Variants in IDE observed in about 807,000 individuals in gnomAD.
IDE encodes insulin degrading enzyme.
IDE carries 58 observed loss-of-function variants against 133.2 expected under a neutral mutation model. The ratio of observed to expected loss-of-function variants is 0.44; its 90% CI spans 0.35 to 0.54. The LOEUF (loss-of-function observed/expected upper bound fraction) is 0.54. Among genes scored for constraint, IDE ranks in the 20% least tolerant of loss-of-function variants. The pLI, the probability that IDE is intolerant of heterozygous loss-of-function variation, is 0.00. For synonymous variants in IDE, 396 were observed against 421.3 expected, an observed-to-expected ratio of 0.94 and a Z score of 0.73; for missense variants, 981 against 1,234.0, an observed-to-expected ratio of 0.79 and a Z score of 3.07.
chr10:92,518,805 T>C (rs1849061731), intron 4 of IDE, among the ~76,000 whole-genome samples: 1 of 152,088 alleles, frequency 6.6e-6, no homozygotes, highest in Admixed American at 6.5e-5. Context: ...TTACACACAA[T>C]AAAATACTAT....
At chr10:92,538,525 A>G (rs1438173503) in intron 1 of IDE, among the ~76,000 whole-genome samples, 1 of 152,276 alleles carries the variant, frequency 6.6e-6, no homozygotes, top group East Asian at 1.9e-4. Flanking sequence ...TGAATGCCAG[A>G]GCAGGAAAAG....
At chr10:92,455,693 A>G in intron 23 of IDE, 50 bp from the exon 24 acceptor site, 1 of 1,034,694 alleles carries the variant, frequency 9.7e-7, no homozygotes, top group Non-Finnish European at 1.5e-6. Flanking sequence ...ATACTATCAC[A>G]AAAGAACAAA....
At chr10:92,516,826 T>C (rs1231275996) in intron 4 of IDE, among the ~76,000 whole-genome samples, 1 of 152,236 alleles carries the variant, frequency 6.6e-6, no homozygotes, top group African/African-American at 2.4e-5. Flanking sequence ...AGTGTACCAC[T>C]AACAGCTCTC....
chr10:92,496,622 CTAAAAA>C (rs1847717192), intron 11 of IDE, among the ~76,000 whole-genome samples: 1 of 152,010 alleles, frequency 6.6e-6, no homozygotes, highest in African/African-American at 2.4e-5. Flanking sequence ...CCTATCTCTA[CTAAAAA>C]TACAAAAATT....
chr10:92,555,572 T>A (rs1425910089), intron 1 of IDE, among the ~76,000 whole-genome samples: 1 of 150,190 alleles, frequency 6.7e-6, no homozygotes, highest in African/African-American at 2.5e-5. Context: ...AGGAAAAAAA[T>A]TATTTGCACT....
intron 5 of IDE, among the ~76,000 whole-genome samples, chr10:92,512,085 A>C (rs901279042): frequency 6.6e-6 from 1 of 152,214 alleles, no homozygotes; most frequent in Admixed American, 6.5e-5. Context: ...ACTCACCTTC[A>C]TATCATCAAG....
intron 1 of IDE, among the ~76,000 whole-genome samples, chr10:92,547,825 T>C (rs1842596448): frequency 6.6e-6 from 1 of 152,158 alleles, no homozygotes; most frequent in Admixed American, 6.6e-5. Context: ...TGTTTGGTAA[T>C]TACATACCCT....
At chr10:92,495,813 A>T (rs1237267115) in intron 11 of IDE, among the ~76,000 whole-genome samples, 1 of 152,146 alleles carries the variant, frequency 6.6e-6, no homozygotes, top group Non-Finnish European at 1.5e-5. Flanking sequence ...ATACTTAAAT[A>T]GTGATAGGAA....
At chr10:92,482,916 GACTAC>G (rs1846703694) in intron 14 of IDE, among the ~76,000 whole-genome samples, 1 of 151,972 alleles carries the variant, frequency 6.6e-6, no homozygotes, top group African/African-American at 2.4e-5. Flanking sequence ...GAGTAGCTGG[GACTAC>G]AGGCACCCAC....
intron 11 of IDE, among the ~76,000 whole-genome samples, chr10:92,496,687 G>A (rs1357054512): frequency 6.6e-6 from 1 of 152,232 alleles, no homozygotes; most frequent in Admixed American, 6.5e-5. Context: ...TCGGGAGGCT[G>A]AGGCAGGAGA....
chr10:92,463,148 C>T (rs1053555691), intron 21 of IDE, among the ~76,000 whole-genome samples: 1 of 152,208 alleles, frequency 6.6e-6, no homozygotes, highest in East Asian at 1.9e-4. Flanking sequence ...TTGTTGGTGT[C>T]AGAGTAAGAA....
chr10:92,540,677 G>A (rs1842258138), intron 1 of IDE, among the ~76,000 whole-genome samples: 2 of 152,152 alleles, frequency 1.3e-5, no homozygotes, highest in Non-Finnish European at 2.9e-5. Context: ...TGATGATGAT[G>A]ATGGTCTAAA....
chr10:92,508,314 C>A, intron 7 of IDE, 109 bp from the exon 8 acceptor site: 1 of 839,206 alleles, frequency 1.2e-6, no homozygotes, highest in South Asian at 1.6e-5. Flanking sequence ...TCAGAATGAA[C>A]CTCTTGCGAA....
chr10:92,506,161 T>A (rs1848284110), intron 10 of IDE, among the ~76,000 whole-genome samples: 1 of 152,206 alleles, frequency 6.6e-6, no homozygotes, highest in Non-Finnish European at 1.5e-5. Context: ...GATCAATAGC[T>A]TTCATATAAG....
chr10:92,502,204 G>C (rs759787628), intron 11 of IDE, among the ~76,000 whole-genome samples: 1 of 152,108 alleles, frequency 6.6e-6, no homozygotes, highest in Non-Finnish European at 1.5e-5. Context: ...TGATTACATT[G>C]AGTCTATGAA....
intron 17 of IDE, among the ~76,000 whole-genome samples, chr10:92,474,278 G>A (rs1476279271): frequency 6.6e-6 from 1 of 152,028 alleles, no homozygotes; most frequent in Non-Finnish European, 1.5e-5. Context: ...ATATTGCCCA[G>A]GGTGGTCTCA....
intron 18 of IDE, 38 bp downstream of exon 18, chr10:92,470,216 A>G: frequency 7.4e-7 from 1 of 1,348,330 alleles, no homozygotes. Context: ...ATATCTTGCA[A>G]TGATCCACAA....
rs891535890 is a variant in IDE, at chr10:92,504,850, T to TTCTTCC, written c.1368_1373dup (p.Glu457_Glu458dup). On this transcript the variant is annotated inframe_insertion, in exon 11 of 25. Coordinates refer to ENST00000265986, the MANE Select transcript of IDE (RefSeq NM_004969.4). ...CCATCTCTATTAAGTCAGGTCTAAA[T>TTCTTCC]TCTTCCAGTAAATATTCCGCTGTGA... The TTCTTCC allele has an allele frequency of 6.3e-7, 1 of 1,591,524 alleles. No homozygotes were observed. The highest frequency in any genetic ancestry group is 8.6e-7 in the Non-Finnish European group (1 of 1,169,420).
intron 12 of IDE, among the ~76,000 whole-genome samples, chr10:92,487,696 A>G (rs1468237306): frequency 2.6e-5 from 4 of 152,242 alleles, no homozygotes; most frequent in African/African-American, 9.6e-5. Context: ...ACTGCTAGAC[A>G]ATAGGTCATT....
Sources: allele counts gnomAD v4.1 joint callset (sites outside exome capture counted in the v4.1 genomes callset), GRCh38; gene constraint gnomAD v4.1.1; transcripts MANE v1.5; gene names NCBI Gene and HGNC (gene_info 2026-07-23, HGNC 2026-07-21).